CCDC192: variants seen among roughly 807,000 people sequenced by gnomAD.
CCDC192 encodes coiled-coil domain-containing protein 192.
At chr5:127,737,832 G>A (rs908075440) in intron 2 of CCDC192, among the ~76,000 whole-genome samples, 45 of 152,158 alleles carry the variant, frequency 3.0e-4, no homozygotes, top group African/African-American at 1.0e-3. Context: ...GACTCTGCAC[G>A]TGAGATGGGT....
intron 5 of CCDC192, among the ~76,000 whole-genome samples, chr5:127,868,719 A>C (rs1387241739): frequency 6.6e-6 from 1 of 152,052 alleles, no homozygotes; most frequent in Non-Finnish European, 1.5e-5. Flanking sequence ...CCCAGTCTCT[A>C]CCAAAAAATA....
Position 127,921,214 on chromosome 5 carries a change from G to T in CCDC192, c.536-19968G>T, listed in dbSNP as rs1245777232. Among the ~76,000 whole-genome samples, 3 of 150,798 alleles carry T rather than the reference G, an allele frequency of 2.0e-5. No homozygotes were observed. The East Asian group carries it at 5.8e-4, about 29-fold the overall frequency. On this transcript the variant is annotated intron_variant, in intron 6 of 6. Coordinates refer to ENST00000514853, the MANE Select transcript of CCDC192 (RefSeq NM_001317938.2). ...AAGAGAGAGAGAAAGAAAGAGAGTA[G>T]TGGAGGAAGGAAGGGAAGAAAGGGA... is the stretch of plus-strand genomic sequence containing the variant.
intron 5 of CCDC192, among the ~76,000 whole-genome samples, chr5:127,875,313 C>CT (rs1258596109): frequency 1.4e-4 from 21 of 152,068 alleles, no homozygotes; most frequent in Admixed American, 4.6e-4. Context: ...GTAAAAGATA[C>CT]TATGATGAAG....
chr5:127,751,847 C>G (rs534810087), intron 2 of CCDC192, among the ~76,000 whole-genome samples: 1 of 152,184 alleles, frequency 6.6e-6, no homozygotes, highest in African/African-American at 2.4e-5. Context: ...CTTTCCTTCT[C>G]GCTTCATTTC....
intron 5 of CCDC192, among the ~76,000 whole-genome samples, chr5:127,851,145 G>A (rs6879494): frequency 2.3e-3 from 345 of 152,238 alleles, no homozygotes; most frequent in African/African-American, 8.0e-3. Flanking sequence ...TCTTTGGCCT[G>A]TTTTCTGATC....
chr5:127,883,762 T>G (rs1484118336), intron 6 of CCDC192, among the ~76,000 whole-genome samples: 1 of 152,214 alleles, frequency 6.6e-6, no homozygotes, highest in African/African-American at 2.4e-5. Flanking sequence ...CAAAATGTCA[T>G]TTTAGAGACC....
intron 3 of CCDC192, among the ~76,000 whole-genome samples, chr5:127,773,946 A>G (rs2126917154): frequency 6.6e-6 from 1 of 152,322 alleles, no homozygotes; most frequent in South Asian, 2.1e-4. Context: ...TTGAAAAATT[A>G]TAGTCATAAT....
intron 3 of CCDC192, chr5:127,786,999 T>A: frequency 2.8e-6 from 1 of 355,992 alleles, no homozygotes; most frequent in Non-Finnish European, 5.5e-6. Flanking sequence ...TCTAAGCCAA[T>A]CTGCTTCAGG....
At chr5:127,933,365 C>G (rs1319302995) in intron 6 of CCDC192, among the ~76,000 whole-genome samples, 1 of 152,062 alleles carries the variant, frequency 6.6e-6, no homozygotes, top group Non-Finnish European at 1.5e-5. Context: ...GAAGCTATTG[C>G]GATACTTAAA....
intron 3 of CCDC192, among the ~76,000 whole-genome samples, chr5:127,796,812 G>T (rs1174508540): frequency 6.6e-6 from 1 of 152,182 alleles, no homozygotes; most frequent in African/African-American, 2.4e-5. Context: ...GTGAAGATGA[G>T]TGTTGAGGTC....
rs541821647 is a variant in CCDC192 at position 127,728,203 on chromosome 5, G to A, written c.114+20443G>A. Among the ~76,000 whole-genome samples the A allele has an allele frequency of 7.2e-5, 11 of 152,160 alleles. No individual in the cohort carries two copies. In the East Asian group the frequency reaches 1.9e-3, roughly 27 times the overall value. Reference sequence around the variant, plus strand: ...TAGGAAATCCAGAGAACCCCAATAAGATACTCCATGAAAAGGTCAACCCCA... The same window carrying A: ...TAGGAAATCCAGAGAACCCCAATAAAATACTCCATGAAAAGGTCAACCCCA... On this transcript the variant is annotated intron_variant, in intron 2 of 6. Coordinates refer to ENST00000514853, the MANE Select transcript of CCDC192 (RefSeq NM_001317938.2).
At chr5:127,934,157 C>T (rs1036875168) in intron 6 of CCDC192, among the ~76,000 whole-genome samples, 2 of 149,598 alleles carry the variant, frequency 1.3e-5, no homozygotes, top group African/African-American at 4.9e-5. Context: ...CAGGCTGCAG[C>T]CCTTCCATCA....
intron 3 of CCDC192, among the ~76,000 whole-genome samples, chr5:127,795,587 A>AT (rs555222860): frequency 6.5e-4 from 96 of 147,944 alleles, no homozygotes; most frequent in East Asian, 1.2e-3. Flanking sequence ...CAAAATTGAG[A>AT]TTTTTTTTTT....
At chr5:127,750,430 G>T (rs1354637384) in intron 2 of CCDC192, among the ~76,000 whole-genome samples, 1 of 152,114 alleles carries the variant, frequency 6.6e-6, no homozygotes, top group Non-Finnish European at 1.5e-5. Flanking sequence ...GGTTTTGAGT[G>T]AGATTCTTAA....
At chr5:127,769,548 C>T (rs1365629785) in intron 3 of CCDC192, among the ~76,000 whole-genome samples, 1 of 151,798 alleles carries the variant, frequency 6.6e-6, no homozygotes, top group African/African-American at 2.4e-5. Context: ...ATAGATAAAG[C>T]AGAGAGGAGT....
chr5:127,752,759 A>C (rs1175919971), intron 2 of CCDC192, among the ~76,000 whole-genome samples: 15 of 152,220 alleles, frequency 9.9e-5, no homozygotes, highest in Admixed American at 5.2e-4. Context: ...GCTAGCAGTC[A>C]GCGAGACTCC....
At chr5:127,787,655 C>A (rs1756625501) in intron 3 of CCDC192, among the ~76,000 whole-genome samples, 2 of 152,026 alleles carry the variant, frequency 1.3e-5, no homozygotes, top group East Asian at 1.9e-4. Flanking sequence ...AAATTATAGC[C>A]TATCCTGGAG....
chr5:127,866,389 G>C (rs1162530001), intron 5 of CCDC192, among the ~76,000 whole-genome samples: 2 of 150,708 alleles, frequency 1.3e-5, no homozygotes, highest in African/African-American at 4.9e-5. Context: ...AATGAAGTCA[G>C]TGGAAAATTT....
intron 6 of CCDC192, among the ~76,000 whole-genome samples, chr5:127,882,783 TA>T (rs1752409386): frequency 6.6e-6 from 1 of 152,226 alleles, no homozygotes; most frequent in African/African-American, 2.4e-5. Context: ...TGTTAATATT[TA>T]TTGGAATAAG....
Sources: allele counts gnomAD v4.1 joint callset (sites outside exome capture counted in the v4.1 genomes callset), GRCh38; gene constraint gnomAD v4.1.1; transcripts MANE v1.5; gene names NCBI Gene and HGNC (gene_info 2026-07-23, HGNC 2026-07-21).